The following CMIP variants were observed in gnomAD, a reference collection of about 807,000 sequenced individuals.
CMIP encodes C-Maf-inducing protein.
In CMIP, 13 loss-of-function variants were observed where a neutral mutation model predicts 97.3. The observed-to-expected ratio is 0.13, with a 90% CI of 0.09 to 0.21. The LOEUF (loss-of-function observed/expected upper bound fraction) is 0.21. Ranked by LOEUF, CMIP falls within the 10% of genes least tolerant of loss-of-function variation. The pLI, the probability that CMIP is intolerant of heterozygous loss-of-function variation, is 1.00. For missense variants in CMIP, 847 were observed against 1,024.9 expected (o/e 0.83, Z 2.37); for synonymous variants, 538 against 436.3 (o/e 1.23, Z -2.91).
In CMIP at chr16:81,445,128, C is replaced by A; in HGVS notation, c.-114C>A. 1 of 501,968 alleles carries A rather than the reference C, an allele frequency of 2.0e-6. No individual in the cohort carries two copies. Among genetic ancestry groups the A allele is most frequent in the Non-Finnish European group, 3.2e-6 (1 of 311,968 alleles). The allele number at this position is 501,968 out of a possible 1,614,324, so 31.1% of individuals were successfully genotyped here. ...GCGGGCGCCCCCAGCCCCACACCCC[C>A]CCACCTTCCCGGGGGGTGGGGGGGT... On this transcript the variant is annotated 5_prime_UTR_variant, in exon 1 of 21. Transcript: ENST00000537098.
intron 14 of CMIP, 31 bp downstream of exon 14, chr16:81,696,698 C>A: frequency 1.3e-6 from 2 of 1,587,240 alleles, no homozygotes; most frequent in Non-Finnish European, 1.7e-6. Flanking sequence ...GGGGTGACTT[C>A]CAGGGGTCCC....
intron 7 of CMIP, 120 bp from the exon 8 acceptor site, chr16:81,670,022 C>T: frequency 2.2e-6 from 2 of 912,964 alleles, no homozygotes. Flanking sequence ...TCCCCATTGC[C>T]TTCCACATCA....
intron 3 of CMIP, among the ~76,000 whole-genome samples, chr16:81,622,911 T>C (rs1449865610): frequency 6.6e-6 from 1 of 152,216 alleles, no homozygotes; most frequent in Non-Finnish European, 1.5e-5. Context: ...AACATTCAAA[T>C]GTCAAGGATT....
At position 81,627,106 on chromosome 16, in the gene CMIP, AGTGT is replaced by A. The variant is rs1326033615; in HGVS notation, c.477+6188_477+6191del. ...TGTGGTGTGTGGGGGTGACTGTGAG[AGTGT>A]GTGTGTGGTGTGTGTGTGGCATATG... On this transcript the variant is annotated intron_variant, in intron 3 of 20. Transcript: ENST00000537098. The surrounding 1 kb of genome is among the most constrained non-coding windows in gnomAD (Gnocchi z 4.6). 1.9e-4 allele frequency among the ~76,000 whole-genome samples: 21 copies of A among 112,608 alleles called. No homozygotes were observed. Among genetic ancestry groups the A allele is most frequent in the Non-Finnish European group, 5.4e-5 (3 of 55,446 alleles). 73.9% of individuals were successfully genotyped at this position (112,608 alleles called of 152,430 possible). A position where few individuals can be genotyped will look rare whatever the true frequency, so the allele number is the denominator to read the frequency against.
intron 1 of CMIP, among the ~76,000 whole-genome samples, chr16:81,479,976 T>C (rs1228766694): frequency 6.6e-6 from 1 of 152,212 alleles, no homozygotes; most frequent in Non-Finnish European, 1.5e-5. Context: ...TAAGCATGTG[T>C]GGTTCTCAGC....
At chr16:81,688,603 G>T (rs866354933) in intron 10 of CMIP, among the ~76,000 whole-genome samples, 2 of 152,188 alleles carry the variant, frequency 1.3e-5, no homozygotes, top group Admixed American at 1.3e-4. Context: ...GAAAGTCTCC[G>T]TGACATCGGA....
chr16:81,660,848 C>T (rs531165898), intron 5 of CMIP, 36 bp from the exon 6 acceptor site: 8 of 1,612,264 alleles, frequency 5.0e-6, no homozygotes, highest in East Asian at 2.2e-5. Context: ...TGGCTATCTA[C>T]CCCACGGTTC....
intron 1 of CMIP, among the ~76,000 whole-genome samples, chr16:81,550,858 GTTCCA>G (rs2090638782): frequency 2.0e-5 from 3 of 151,536 alleles, no homozygotes; most frequent in Non-Finnish European, 4.4e-5. Flanking sequence ...ACACACCCCA[GTTCCA>G]TCACACACAC....
chr16:81,617,554 C>G (rs1342047397), intron 2 of CMIP: 1 of 152,406 alleles, frequency 6.6e-6, no homozygotes, highest in Admixed American at 6.5e-5. Context: ...GCTGGGCTAG[C>G]CATCGTGGAG....
chr16:81,581,515 A>C (rs988258488), intron 1 of CMIP, among the ~76,000 whole-genome samples: 1 of 152,204 alleles, frequency 6.6e-6, no homozygotes. Flanking sequence ...AGGCACAGTA[A>C]AAATATGGAA....
intron 2 of CMIP, among the ~76,000 whole-genome samples, chr16:81,615,651 A>C (rs570615894): frequency 6.2e-5 from 7 of 113,538 alleles, no homozygotes; most frequent in Non-Finnish European, 1.1e-4. Flanking sequence ...TGGTGTGTGT[A>C]TGTGTGTGGT....
chr16:81,492,757 G>C (rs1204237394), intron 1 of CMIP, among the ~76,000 whole-genome samples: 3 of 152,126 alleles, frequency 2.0e-5, no homozygotes, highest in African/African-American at 4.8e-5. Flanking sequence ...GCAGGCAGCC[G>C]GGATAAGGAG....
chr16:81,473,754 G>A (rs1046551967), intron 1 of CMIP, among the ~76,000 whole-genome samples: 5 of 151,652 alleles, frequency 3.3e-5, no homozygotes, highest in Non-Finnish European at 7.4e-5. Context: ...AGCTGCAAGC[G>A]GATGACCCAT....
In CMIP at chr16:81,616,245, G is replaced by C. The variant is rs1393545842; in HGVS notation, c.427-4631G>C. Among the ~76,000 whole-genome samples the C allele has an allele frequency of 6.6e-6, 1 of 151,952 alleles. No individual in the cohort carries two copies. Among genetic ancestry groups the C allele is most frequent in the African/African-American group, 2.4e-5 (1 of 41,356 alleles). On this transcript the variant is annotated intron_variant, in intron 2 of 20. Transcript: ENST00000537098. The surrounding 1 kb of genome is among the most constrained non-coding windows in gnomAD (Gnocchi z 4.7). ...GCCTCCTCTCCCAATCCTGTGGGTG[G>C]GACATAAATACCCAGCCAGCCTCAG...
intron 1 of CMIP, chr16:81,495,609 G>A: frequency 9.0e-7 from 1 of 1,107,804 alleles, no homozygotes; most frequent in Non-Finnish European, 1.3e-6. Context: ...TCAGAGGGTG[G>A]GCAGGTGTGT....
chr16:81,681,327 G>A (rs1597242559), intron 10 of CMIP, among the ~76,000 whole-genome samples: 2 of 152,216 alleles, frequency 1.3e-5, no homozygotes, highest in Non-Finnish European at 2.9e-5. Context: ...AACCCCAGCC[G>A]CTCAAAGGGC....
At chr16:81,639,350 G>C (rs948401416) in intron 3 of CMIP, among the ~76,000 whole-genome samples, 3 of 152,174 alleles carry the variant, frequency 2.0e-5, no homozygotes, top group African/African-American at 7.2e-5. Context: ...CCGTGCTGCT[G>C]TCACCACCAT....
In CMIP at chr16:81,614,141, G is replaced by GT. The variant is rs2091875169; in HGVS notation, c.426+6450dup. On this transcript the variant is annotated intron_variant, in intron 2 of 20. Transcript: ENST00000537098. This position sits in a 1 kb window ranked among gnomAD's most constrained non-coding sequence, Gnocchi z 5.3. ...AGTGGCATTTCAGGAGGGACCTGAA[G>GT]TGTAAGTAGGAGTCCAGCGGGCAGC... Among the ~76,000 whole-genome samples, 1 of 152,166 alleles carries GT rather than the reference G, an allele frequency of 6.6e-6. No homozygotes were observed. The highest frequency in any genetic ancestry group is 6.5e-5 in the Admixed American group (1 of 15,282).
At chr16:81,631,996 A>G (rs1032433188) in intron 3 of CMIP, 1 of 152,208 alleles carries the variant, frequency 6.6e-6, no homozygotes, top group African/African-American at 2.4e-5. Context: ...AACTAAGAAA[A>G]TTCCCACTAT....
Sources: allele counts gnomAD v4.1 joint callset (sites outside exome capture counted in the v4.1 genomes callset), GRCh38; gene constraint gnomAD v4.1.1; non-coding constraint Gnocchi (gnomAD v3.1); transcripts MANE v1.5; gene names NCBI Gene and HGNC (gene_info 2026-07-23, HGNC 2026-07-21).